The following PTPRD variants were observed in gnomAD, a reference collection of about 807,000 sequenced individuals.
PTPRD encodes receptor-type tyrosine-protein phosphatase delta.
A neutral mutation model predicts 214.5 loss-of-function variants in PTPRD; 34 were observed. The ratio of observed to expected loss-of-function variants is 0.16; its 90% CI spans 0.12 to 0.21. The LOEUF (loss-of-function observed/expected upper bound fraction) is 0.21. Among genes scored for constraint, PTPRD ranks in the 10% least tolerant of loss-of-function variants. The probability of loss-of-function intolerance (pLI) is 1.00; values close to 1 mark genes in which losing one functional copy is unlikely to be tolerated. For missense variants in PTPRD, 2,545 were observed against 2,398.7 expected (o/e 1.06, Z -1.27); for synonymous variants, 1,128 against 845.7 (o/e 1.33, Z -5.79).
chr9:9,664,469 G>A (rs561284378), intron 7 of PTPRD, among the ~76,000 whole-genome samples: 4 of 151,588 alleles, frequency 2.6e-5, no homozygotes, highest in Non-Finnish European at 5.9e-5. Context: ...ATATCTGCCC[G>A]GACATGCAAT....
chr9:9,217,961 C>G (rs887855951), intron 9 of PTPRD, among the ~76,000 whole-genome samples: 1 of 152,120 alleles, frequency 6.6e-6, no homozygotes, highest in Non-Finnish European at 1.5e-5. Flanking sequence ...ATGTTGCTAA[C>G]AAAGCATGTT....
chr9:9,098,946 G>T (rs2099787515), intron 10 of PTPRD, among the ~76,000 whole-genome samples: 1 of 152,104 alleles, frequency 6.6e-6, no homozygotes, highest in Non-Finnish European at 1.5e-5. Context: ...AGACATTGTG[G>T]TATAGTCACA....
intron 4 of PTPRD, among the ~76,000 whole-genome samples, chr9:9,950,259 G>A (rs77451642): frequency 0.057 from 8,688 of 152,198 alleles, 597 homozygotes; most frequent in East Asian, 0.25. Context: ...ATCCAGATGG[G>A]GATGCTGTGA....
At chr9:9,827,709 A>C in intron 5 of PTPRD, among the ~76,000 whole-genome samples, 1 of 152,174 alleles carries the variant, frequency 6.6e-6, no homozygotes, top group East Asian at 1.9e-4. Flanking sequence ...CTATCATCAG[A>C]ATGAACAGAA....
rs905331288 is a variant in PTPRD, at chr9:9,452,908, T to G, written c.-236-55426A>C. Among the ~76,000 whole-genome samples, 3 of 151,582 alleles carry G rather than the reference T, an allele frequency of 2.0e-5. No individual in the cohort carries two copies. The East Asian group carries it at 5.8e-4, about 29-fold the overall frequency. ...GATAAATCACAAAACAAGCACATTC[T>G]TTCAAAATTAAAATACAGTTTTAAC... On this transcript the variant is annotated intron_variant, in intron 8 of 45. Coordinates refer to ENST00000381196, the MANE Select transcript of PTPRD (RefSeq NM_002839.4).
intron 5 of PTPRD, among the ~76,000 whole-genome samples, chr9:9,809,885 C>T (rs1014835411): frequency 1.3e-5 from 2 of 152,092 alleles, no homozygotes; most frequent in Admixed American, 6.5e-5. Context: ...TTATCAAATA[C>T]ATATCAAGTG....
intron 4 of PTPRD, among the ~76,000 whole-genome samples, chr9:9,955,869 AT>A (rs936124816): frequency 7.9e-5 from 12 of 152,158 alleles, no homozygotes; most frequent in African/African-American, 2.6e-4. Flanking sequence ...AATAACAAAG[AT>A]TTTCCAAAAC....
At chr9:9,241,878 A>C (rs11789088) in intron 9 of PTPRD, among the ~76,000 whole-genome samples, 11,362 of 151,986 alleles carry the variant, frequency 0.075, 530 homozygotes, top group Middle Eastern at 0.18. Flanking sequence ...TGAATTTGAT[A>C]CTGTCATTAA....
intron 8 of PTPRD, among the ~76,000 whole-genome samples, chr9:9,456,850 T>C (rs1206577105): frequency 6.6e-6 from 1 of 151,920 alleles, no homozygotes; most frequent in Non-Finnish European, 1.5e-5. Context: ...TATTCCAGAA[T>C]TGAGACCTTG....
At chr9:9,099,897 C>A (rs2099788975) in intron 10 of PTPRD, among the ~76,000 whole-genome samples, 1 of 152,114 alleles carries the variant, frequency 6.6e-6, no homozygotes, top group African/African-American at 2.4e-5. Context: ...GGTGAGGAAG[C>A]ACTGCAGATT....
intron 7 of PTPRD, among the ~76,000 whole-genome samples, chr9:9,575,099 C>G (rs1298184430): frequency 2.0e-5 from 3 of 152,100 alleles, no homozygotes; most frequent in Non-Finnish European, 4.4e-5. Flanking sequence ...GCTAGATAAC[C>G]TTCTCTGTTA....
At chr9:10,580,922 G>A (rs2071508142) in intron 2 of PTPRD, among the ~76,000 whole-genome samples, 1 of 152,104 alleles carries the variant, frequency 6.6e-6, no homozygotes, top group African/African-American at 2.4e-5. Context: ...ATAGTTCACT[G>A]ATTTCCTCAA....
intron 5 of PTPRD, among the ~76,000 whole-genome samples, chr9:9,814,394 A>T (rs1343704593): frequency 6.6e-6 from 1 of 152,028 alleles, no homozygotes; most frequent in Admixed American, 6.6e-5. Context: ...TAAAACCCTC[A>T]ACCCCCCACT....
At position 9,275,829 on chromosome 9, in the gene PTPRD, GTGTA is replaced by G. The variant is rs1031697890; in HGVS notation, c.-202-92470_-202-92467del. Among the ~76,000 whole-genome samples the G allele has an allele frequency of 4.8e-3, 686 of 144,046 alleles. 3 individuals are homozygous for G. Among genetic ancestry groups the G allele is most frequent in the African/African-American group, 0.016 (641 of 40,434 alleles). 94.5% of individuals were successfully genotyped at this position (144,046 alleles called of 152,430 possible). On this transcript the variant is annotated intron_variant, in intron 9 of 45. Coordinates refer to ENST00000381196, the MANE Select transcript of PTPRD (RefSeq NM_002839.4). ...CAGTGAGCGAAACAGCTGTGTGTGT[GTGTA>G]TGTGTGTGTGTGTGTGTGTGTGTGT...
intron 8 of PTPRD, among the ~76,000 whole-genome samples, chr9:9,573,440 A>C (rs2087218373): frequency 6.6e-6 from 1 of 151,372 alleles, no homozygotes; most frequent in Non-Finnish European, 1.5e-5. Flanking sequence ...TTATGTCAGT[A>C]TTGGTTATAT....
At chr9:10,396,662 C>T (rs931661800) in intron 2 of PTPRD, among the ~76,000 whole-genome samples, 48 of 152,034 alleles carry the variant, frequency 3.2e-4, no homozygotes, top group African/African-American at 1.1e-3. Flanking sequence ...AGTAAAGCAC[C>T]TTCTTAATGA....
intron 10 of PTPRD, among the ~76,000 whole-genome samples, chr9:9,123,202 A>C (rs1298425836): frequency 6.6e-6 from 1 of 152,182 alleles, no homozygotes; most frequent in East Asian, 1.9e-4. Context: ...TCAGTCATGC[A>C]GTCATGGCCT....
At chr9:9,479,215 G>GT (rs1555458059) in intron 8 of PTPRD, among the ~76,000 whole-genome samples, 10 of 20,552 alleles carry the variant, frequency 4.9e-4, no homozygotes, top group African/African-American at 1.5e-3. Flanking sequence ...ACACACACAC[G>GT]CCCCCCCCCC....
intron 11 of PTPRD, among the ~76,000 whole-genome samples, chr9:8,859,380 A>C (rs1351046786): frequency 1.3e-5 from 2 of 152,174 alleles, no homozygotes; most frequent in Non-Finnish European, 2.9e-5. Context: ...AACCTTCTTC[A>C]CTACTCATAG....
Sources: gnomAD v4.1 joint callset for allele counts (sites outside exome capture counted in the v4.1 genomes callset) on GRCh38, gnomAD v4.1.1 for gene constraint, MANE v1.5 for transcripts, NCBI Gene and HGNC (gene_info 2026-07-23, HGNC 2026-07-21) for gene names.